KCNMA1: variants seen among roughly 807,000 people sequenced by gnomAD.
KCNMA1 encodes the protein Calcium-activated potassium channel subunit alpha-1.
A neutral mutation model predicts 140.0 loss-of-function variants in KCNMA1; 29 were observed. The ratio of observed to expected loss-of-function variants is 0.21; its 90% CI spans 0.15 to 0.28. KCNMA1 has a LOEUF of 0.28. KCNMA1 is among the 10% of genes least tolerant of loss of function. The pLI, the probability that KCNMA1 is intolerant of heterozygous loss-of-function variation, is 1.00. For synonymous variants in KCNMA1, 612 were observed against 611.9 expected, an observed-to-expected ratio of 1.00 and a Z score of 0.00; for missense variants, 880 against 1,602.2, an observed-to-expected ratio of 0.55 and a Z score of 7.70.
chr10:77,110,113 G>T, intron 8 of KCNMA1, 60 bp downstream of exon 8: 2 of 1,389,470 alleles, frequency 1.4e-6, no homozygotes, highest in Non-Finnish European at 1.0e-6. Flanking sequence ...TTAAGGAAAT[G>T]TATCATGGAA....
chr10:77,609,800 C>T (rs1214539076), intron 1 of KCNMA1, among the ~76,000 whole-genome samples: 1 of 151,522 alleles, frequency 6.6e-6, no homozygotes, highest in African/African-American at 2.4e-5. Flanking sequence ...GCGTCAGGAA[C>T]AAGAGGAAGT....
intron 14 of KCNMA1, among the ~76,000 whole-genome samples, chr10:77,071,939 T>C (rs1481287909): frequency 6.6e-6 from 1 of 152,182 alleles, no homozygotes; most frequent in Non-Finnish European, 1.5e-5. Context: ...TGAGCACCAA[T>C]GCATCTGTAT....
chr10:77,624,318 C>T (rs1040460129), intron 1 of KCNMA1, among the ~76,000 whole-genome samples: 1 of 152,144 alleles, frequency 6.6e-6, no homozygotes, highest in African/African-American at 2.4e-5. Flanking sequence ...ACCATTCCCC[C>T]ACACCAAAAA....
intron 1 of KCNMA1, among the ~76,000 whole-genome samples, chr10:77,435,373 C>A (rs1277876206): frequency 6.6e-6 from 1 of 152,010 alleles, no homozygotes; most frequent in Non-Finnish European, 1.5e-5. Context: ...AAAACAAAAC[C>A]AGGGTATGAA....
intron 5 of KCNMA1, among the ~76,000 whole-genome samples, chr10:77,177,667 A>C (rs1013190760): frequency 2.0e-5 from 3 of 151,990 alleles, no homozygotes; most frequent in Admixed American, 6.5e-5. Flanking sequence ...CTCCACACAT[A>C]CTAGGCTTCA....
At chr10:76,937,913 ATG>A (rs1013080316) in intron 23 of KCNMA1, among the ~76,000 whole-genome samples, 2 of 147,688 alleles carry the variant, frequency 1.4e-5, no homozygotes, top group African/African-American at 5.0e-5. Flanking sequence ...GTGTGTGCGT[ATG>A]TGTGTGTGTG....
chr10:77,104,830 A>C (rs1157331381), intron 9 of KCNMA1, among the ~76,000 whole-genome samples: 1 of 152,194 alleles, frequency 6.6e-6, no homozygotes, highest in South Asian at 2.1e-4. Flanking sequence ...GGGCTGTGAG[A>C]GGGAGGAGAG....
chr10:76,968,730 G>GCGGAAGGC (rs1201865790), intron 20 of KCNMA1, among the ~76,000 whole-genome samples: 1 of 152,216 alleles, frequency 6.6e-6, no homozygotes, highest in African/African-American at 2.4e-5. Context: ...GCTGGGTGAA[G>GCGGAAGGC]TGGAAGGCAG....
At chr10:76,879,202 T>A (rs1160276910) in intron 29 of KCNMA1, among the ~76,000 whole-genome samples, 1 of 152,100 alleles carries the variant, frequency 6.6e-6, no homozygotes, top group Non-Finnish European at 1.5e-5. Flanking sequence ...TTCTGCTGTT[T>A]CAAGTGCCCT....
Position 77,102,404 on chromosome 10 carries a change from G to A in KCNMA1, c.1223+6077C>T, listed in dbSNP as rs1337659349. 4.6e-5 allele frequency among the ~76,000 whole-genome samples: 7 copies of A among 152,204 alleles called. No homozygotes were observed. In the South Asian group the frequency reaches 1.5e-3, roughly 32 times the overall value. On this transcript the variant is annotated intron_variant, in intron 9 of 27. Coordinates refer to ENST00000286628, the MANE Select transcript of KCNMA1 (RefSeq NM_001161352.2). Reference sequence around the variant, plus strand: ...TGTGCGCTCTCAGGAAGGAACAAAGGTTCTGAGTGAGAAGGAGAGTCCAAA... The same window carrying A: ...TGTGCGCTCTCAGGAAGGAACAAAGATTCTGAGTGAGAAGGAGAGTCCAAA...
At chr10:77,564,877 A>T (rs1346807726) in intron 1 of KCNMA1, among the ~76,000 whole-genome samples, 1 of 152,112 alleles carries the variant, frequency 6.6e-6, no homozygotes, top group Non-Finnish European at 1.5e-5. Flanking sequence ...TCACAAAGGG[A>T]GGTAAAAGGA....
At chr10:77,038,994 T>G in intron 15 of KCNMA1, 1 of 179,510 alleles carries the variant, frequency 5.6e-6, no homozygotes, top group Admixed American at 5.4e-5. Context: ...TTGTTATTAT[T>G]ATAACATGGC....
At chr10:77,115,118 A>G (rs1484871726) in intron 6 of KCNMA1, among the ~76,000 whole-genome samples, 3 of 152,210 alleles carry the variant, frequency 2.0e-5, no homozygotes, top group Non-Finnish European at 4.4e-5. Context: ...TTCTTCTTCT[A>G]TGGAAGAGCA....
chr10:77,314,716 C>T (rs1486977591), intron 2 of KCNMA1, among the ~76,000 whole-genome samples: 1 of 152,080 alleles, frequency 6.6e-6, no homozygotes, highest in African/African-American at 2.4e-5. Context: ...CATGTTAGCT[C>T]CTGGTGCTCA....
At chr10:77,127,059 AACACACACACAAACACACAC>A (rs747113643) in intron 5 of KCNMA1, among the ~76,000 whole-genome samples, 3 of 133,214 alleles carry the variant, frequency 2.3e-5, no homozygotes, top group African/African-American at 8.7e-5. Context: ...AAAGCCCAGA[AACACACACACAAACACACAC>A]ACACACACAC....
intron 2 of KCNMA1, among the ~76,000 whole-genome samples, chr10:77,278,967 A>T (rs1468307496): frequency 6.6e-6 from 1 of 152,172 alleles, no homozygotes; most frequent in Non-Finnish European, 1.5e-5. Flanking sequence ...TCCCCTCATG[A>T]TGAATAGGAA....
At chr10:77,335,491 C>G (rs2088578251) in intron 2 of KCNMA1, among the ~76,000 whole-genome samples, 1 of 152,138 alleles carries the variant, frequency 6.6e-6, no homozygotes, top group South Asian at 2.1e-4. Flanking sequence ...AGTAAAGATG[C>G]CACAAGTATA....
rs577734970 is a variant in KCNMA1 at position 77,022,558 on chromosome 10, C to T, written c.1929-3459G>A. On this transcript the variant is annotated intron_variant, in intron 16 of 27. Coordinates refer to ENST00000286628, the MANE Select transcript of KCNMA1 (RefSeq NM_001161352.2). ...TTGTTTACTCACCTCCTACATGGAG[C>T]AAATACGTATTTTCTGTAAGGAACC... 1.0e-3 allele frequency among the ~76,000 whole-genome samples: 158 copies of T among 152,256 alleles called. 5 individuals are homozygous for T. In the South Asian group the frequency reaches 0.032, roughly 31 times the overall value.
intron 10 of KCNMA1, among the ~76,000 whole-genome samples, chr10:77,087,013 T>C (rs1169134431): frequency 6.6e-6 from 1 of 152,196 alleles, no homozygotes; most frequent in Non-Finnish European, 1.5e-5. Context: ...GGCATTTGAA[T>C]CAGTGAATTC....
Sources: allele counts gnomAD v4.1 joint callset (sites outside exome capture counted in the v4.1 genomes callset), GRCh38; gene constraint gnomAD v4.1.1; transcripts MANE v1.5; gene names NCBI Gene and HGNC (gene_info 2026-07-23, HGNC 2026-07-21).